Variants in KCNJ3 observed in about 807,000 individuals in gnomAD.
The protein encoded by KCNJ3 is potassium inwardly rectifying channel subfamily J member 3.
In KCNJ3, 4 loss-of-function variants were observed where a neutral mutation model predicts 39.2. The ratio of observed to expected loss-of-function variants is 0.10; its 90% confidence interval spans 0.05 to 0.23. The LOEUF (loss-of-function observed/expected upper bound fraction) is 0.23. Ranked by LOEUF, KCNJ3 falls within the 10% of genes least tolerant of loss-of-function variation. KCNJ3 has a pLI of 1.00. For missense variants in KCNJ3, 276 were observed against 634.9 expected, an observed-to-expected ratio of 0.43 and a Z score of 6.08; for synonymous variants, 230 against 237.4, an observed-to-expected ratio of 0.97 and a Z score of 0.29.
At chr2:154,805,158 A>G (rs551689034) in intron 2 of KCNJ3, among the ~76,000 whole-genome samples, 8 of 152,256 alleles carry the variant, frequency 5.3e-5, no homozygotes, top group Admixed American at 2.6e-4. Flanking sequence ...GGTGAATTTA[A>G]TAACTTGTGA....
At chr2:154,829,166 G>A (rs1687320985) in intron 2 of KCNJ3, among the ~76,000 whole-genome samples, 1 of 152,044 alleles carries the variant, frequency 6.6e-6, no homozygotes, top group Admixed American at 6.6e-5. Flanking sequence ...TACATGCACA[G>A]GTTTGTTATA....
At chr2:154,727,273 A>T (rs1055618104) in intron 2 of KCNJ3, among the ~76,000 whole-genome samples, 1 of 152,094 alleles carries the variant, frequency 6.6e-6, no homozygotes, top group Non-Finnish European at 1.5e-5. Context: ...GTGACCTGAA[A>T]ATTATATTAA....
intron 2 of KCNJ3, among the ~76,000 whole-genome samples, chr2:154,716,127 C>T (rs1685175007): frequency 6.6e-6 from 1 of 151,578 alleles, no homozygotes; most frequent in African/African-American, 2.4e-5. Context: ...GATGGAGTCT[C>T]ATTCTGTTGC....
At chr2:154,732,453 A>G (rs1685462228) in intron 2 of KCNJ3, among the ~76,000 whole-genome samples, 1 of 152,156 alleles carries the variant, frequency 6.6e-6, no homozygotes, top group Admixed American at 6.5e-5. Flanking sequence ...ACAAACAAAC[A>G]AAAACATCTT....
chr2:154,794,070 C>A (rs1394742969), intron 2 of KCNJ3, among the ~76,000 whole-genome samples: 2 of 151,764 alleles, frequency 1.3e-5, no homozygotes, highest in Non-Finnish European at 1.5e-5. Context: ...TTTGGTTTTG[C>A]TGAATTGGGA....
intron 2 of KCNJ3, among the ~76,000 whole-genome samples, chr2:154,821,367 A>C (rs1046489540): frequency 6.6e-6 from 1 of 152,216 alleles, no homozygotes; most frequent in Non-Finnish European, 1.5e-5. Flanking sequence ...TCATGAGCAG[A>C]TTACTAGGCA....
Position 154,855,170 on chromosome 2 carries a change from A to G in KCNJ3, c.1363A>G (p.Thr455Ala). 1 of 1,613,894 alleles carries G rather than the reference A, an allele frequency of 6.2e-7. No homozygotes were observed. The highest frequency in any genetic ancestry group is 2.2e-5 in the East Asian group (1 of 44,832). ...CTCAGAAGAAAAACTGGTATCTAAA[A>G]CCACCAAGATGTTATCTGATCCCAT... ...GNSEEKLVSK[T>A]TKMLSDPMSQ... is the part of the protein sequence containing the mutation. Residue 455 changes from threonine (T) to alanine (A), a missense_variant, in exon 3 of 3, where the codon ACC becomes GCC. Transcript: ENST00000295101.
chr2:154,852,702 T>G (rs1687776993), intron 2 of KCNJ3, among the ~76,000 whole-genome samples: 1 of 152,006 alleles, frequency 6.6e-6, no homozygotes, highest in South Asian at 2.1e-4. Context: ...CCTGATTAAG[T>G]GATAATCTAT....
intron 2 of KCNJ3, among the ~76,000 whole-genome samples, chr2:154,739,667 G>A (rs183170444): frequency 2.6e-5 from 4 of 152,142 alleles, no homozygotes; most frequent in Non-Finnish European, 1.5e-5. Context: ...TATGCCCAGA[G>A]GCTTGAGGCT....
chr2:154,733,300 G>A (rs928863118), intron 2 of KCNJ3, among the ~76,000 whole-genome samples: 2 of 151,922 alleles, frequency 1.3e-5, no homozygotes, highest in Non-Finnish European at 2.9e-5. Context: ...AATCTTAAGA[G>A]TCCTACTTCC....
At chr2:154,700,930 G>T (rs982795149) in intron 1 of KCNJ3, among the ~76,000 whole-genome samples, 15 of 152,096 alleles carry the variant, frequency 9.9e-5, no homozygotes, top group Admixed American at 9.2e-4. Context: ...ACCTGGTTCT[G>T]ATGTAAACGT....
chr2:154,744,628 C>A (rs892227414), intron 2 of KCNJ3, among the ~76,000 whole-genome samples: 2 of 151,526 alleles, frequency 1.3e-5, no homozygotes, highest in East Asian at 3.9e-4. Context: ...TATTGTATTC[C>A]CTTGTTAACG....
chr2:154,724,916 G>GATATATATATATATATAT (rs1558856912), intron 2 of KCNJ3, among the ~76,000 whole-genome samples: 43 of 59,090 alleles, frequency 7.3e-4, no homozygotes, highest in African/African-American at 1.7e-3. Context: ...ATACATATGA[G>GATATATATATATATATAT]GTATATATAT....
At chr2:154,789,366 A>C (rs1295060295) in intron 2 of KCNJ3, among the ~76,000 whole-genome samples, 1 of 152,034 alleles carries the variant, frequency 6.6e-6, no homozygotes, top group Non-Finnish European at 1.5e-5. Context: ...TAGTAATCTA[A>C]ATTGTGTAAA....
At chr2:154,761,012 C>T (rs1245325704) in intron 2 of KCNJ3, among the ~76,000 whole-genome samples, 1 of 150,416 alleles carries the variant, frequency 6.6e-6, no homozygotes, top group African/African-American at 2.4e-5. Flanking sequence ...GCTGGGATTA[C>T]AGGTGTGAGC....
chr2:154,852,549 C>T (rs1400653542), intron 2 of KCNJ3, among the ~76,000 whole-genome samples: 1 of 152,074 alleles, frequency 6.6e-6, no homozygotes, highest in South Asian at 2.1e-4. Context: ...AAATATAAGG[C>T]ACTTCCACAT....
At chr2:154,736,853 C>T (rs1160397675) in intron 2 of KCNJ3, among the ~76,000 whole-genome samples, 3 of 135,668 alleles carry the variant, frequency 2.2e-5, no homozygotes, top group Admixed American at 7.3e-5. Context: ...AAAACTGCCC[C>T]GGCTTACTGC....
At chr2:154,817,969 C>T (rs1687110358) in intron 2 of KCNJ3, among the ~76,000 whole-genome samples, 1 of 151,970 alleles carries the variant, frequency 6.6e-6, no homozygotes, top group Non-Finnish European at 1.5e-5. Flanking sequence ...TTTCTTATTT[C>T]GTGTCTTGTA....
At chr2:154,756,678 T>G (rs1463403969) in intron 2 of KCNJ3, among the ~76,000 whole-genome samples, 2 of 152,008 alleles carry the variant, frequency 1.3e-5, no homozygotes. Context: ...GGTTGATGGG[T>G]GCAGCAAACC....
Sources: gnomAD v4.1 joint callset for allele counts (sites outside exome capture counted in the v4.1 genomes callset) on GRCh38, gnomAD v4.1.1 for gene constraint, MANE v1.5 for transcripts, NCBI Gene and HGNC (gene_info 2026-07-23, HGNC 2026-07-21) for gene names.